The following KIAA0825 variants were observed in gnomAD, a reference collection of about 807,000 sequenced individuals.
KIAA0825 encodes KIAA0825.
A neutral mutation model predicts 147.6 loss-of-function variants in KIAA0825; 119 were observed. The observed-to-expected ratio is 0.81, with a 90% CI of 0.69 to 0.94. The LOEUF (loss-of-function observed/expected upper bound fraction) is 0.94, where lower values mean the gene tolerates loss of function less well. Ranked by LOEUF, KIAA0825 falls within the 40% of genes least tolerant of loss-of-function variation. KIAA0825 has a pLI of 0.00. For synonymous variants in KIAA0825, 470 were observed against 518.1 expected (o/e 0.91, Z 1.26); for missense variants, 1,381 against 1,472.7 (o/e 0.94, Z 1.02).
intron 20 of KIAA0825, among the ~76,000 whole-genome samples, chr5:94,182,461 T>C (rs1305850592): frequency 6.6e-6 from 1 of 151,320 alleles, no homozygotes; most frequent in East Asian, 2.0e-4. Context: ...GGTTTCACCA[T>C]GTTGGCCAGG....
At chr5:94,182,126 G>A (rs910040561) in intron 20 of KIAA0825, among the ~76,000 whole-genome samples, 1 of 151,682 alleles carries the variant, frequency 6.6e-6, no homozygotes, top group African/African-American at 2.4e-5. Context: ...CCCTTCAGTG[G>A]GACCTTCAGC....
chr5:94,429,418 T>C (rs896243189), intron 14 of KIAA0825, among the ~76,000 whole-genome samples: 1 of 152,130 alleles, frequency 6.6e-6, no homozygotes, highest in African/African-American at 2.4e-5. Context: ...CCCCTGTTTC[T>C]GGGGGGTGTG....
intron 14 of KIAA0825, 140 bp from the exon 15 acceptor site, chr5:94,417,505 A>C: frequency 1.6e-6 from 1 of 637,656 alleles, no homozygotes; most frequent in South Asian, 3.2e-5. Flanking sequence ...GAATTACCAG[A>C]TTATTTCAAA....
chr5:94,509,591 T>C (rs1448496286), intron 5 of KIAA0825, among the ~76,000 whole-genome samples: 1 of 152,218 alleles, frequency 6.6e-6, no homozygotes, highest in Non-Finnish European at 1.5e-5. Context: ...ATAGTGATAT[T>C]AAGACTAACT....
chr5:94,303,220 G>A (rs1161867727), intron 20 of KIAA0825, among the ~76,000 whole-genome samples: 8 of 151,922 alleles, frequency 5.3e-5, no homozygotes, highest in Non-Finnish European at 1.2e-4. Flanking sequence ...ATCTTTTCAA[G>A]TTATAATATG....
At chr5:94,420,885 A>G (rs1754097575) in intron 14 of KIAA0825, among the ~76,000 whole-genome samples, 1 of 152,160 alleles carries the variant, frequency 6.6e-6, no homozygotes, top group Admixed American at 6.6e-5. Flanking sequence ...CTAGAAATTG[A>G]TATTTCTGAA....
intron 1 of KIAA0825, among the ~76,000 whole-genome samples, chr5:94,600,842 T>C (rs909912444): frequency 2.6e-5 from 4 of 152,152 alleles, no homozygotes; most frequent in East Asian, 3.9e-4. Flanking sequence ...AATCTGTTTC[T>C]CCTCACTGGA....
At chr5:94,569,250 T>G (rs73132656) in intron 2 of KIAA0825, 19,020 of 250,888 alleles carry the variant, frequency 0.076, 803 homozygotes, top group South Asian at 0.11. Context: ...CAATAGCTAT[T>G]GCTGTAGTGT....
intron 14 of KIAA0825, among the ~76,000 whole-genome samples, chr5:94,426,039 T>TATC (rs1754828369): frequency 6.7e-6 from 1 of 149,980 alleles, no homozygotes; most frequent in Admixed American, 6.7e-5. Flanking sequence ...TTATCATTAT[T>TATC]ATTATTATTA....
At chr5:94,196,092 A>G (rs1021068235) in intron 20 of KIAA0825, among the ~76,000 whole-genome samples, 2 of 152,186 alleles carry the variant, frequency 1.3e-5, no homozygotes, top group South Asian at 2.1e-4. Flanking sequence ...TTGTGGGGAT[A>G]TACGGACCTC....
rs199725421 is a variant in KIAA0825, at chr5:94,529,330, CAT to C, written c.132-5234_132-5233del. Among the ~76,000 whole-genome samples the C allele has an allele frequency of 4.8e-3, 639 of 132,802 alleles. 2 individuals carry two copies. Among genetic ancestry groups the C allele is most frequent in the African/African-American group, 0.017 (557 of 32,438 alleles). 87.1% of individuals were successfully genotyped at this position (132,802 alleles called of 152,430 possible). On this transcript the variant is annotated intron_variant, in intron 3 of 20. Coordinates refer to ENST00000682413, the MANE Select transcript of KIAA0825 (RefSeq NM_001145678.3). ...GTATATATCATATATATGTATATAT[CAT>C]ATATATGTATATATCATATATGTAT... is the stretch of plus-strand genomic sequence containing the variant.
chr5:94,184,793 TA>T (rs1769979820), intron 20 of KIAA0825, among the ~76,000 whole-genome samples: 1 of 152,182 alleles, frequency 6.6e-6, no homozygotes, highest in Non-Finnish European at 1.5e-5. Flanking sequence ...CTTTGGTATC[TA>T]TTTAAATTTA....
intron 1 of KIAA0825, among the ~76,000 whole-genome samples, chr5:94,583,263 G>A (rs560279153): frequency 2.6e-5 from 4 of 152,298 alleles, no homozygotes; most frequent in Non-Finnish European, 4.4e-5. Context: ...AAGGGAAGCC[G>A]TGAGTGTCTG....
intron 20 of KIAA0825, among the ~76,000 whole-genome samples, chr5:94,300,890 A>G (rs1023814996): frequency 4.6e-5 from 7 of 152,196 alleles, no homozygotes; most frequent in Non-Finnish European, 8.8e-5. Context: ...GGAGACATCA[A>G]TGCTGTCTAC....
intron 12 of KIAA0825, among the ~76,000 whole-genome samples, chr5:94,459,333 C>CAT (rs1759526314): frequency 6.6e-6 from 1 of 152,054 alleles, no homozygotes; most frequent in African/African-American, 2.4e-5. Flanking sequence ...TTTGTGTGGA[C>CAT]ATAGTATTTT....
chr5:94,502,011 G>A (rs1340403773), intron 5 of KIAA0825, among the ~76,000 whole-genome samples: 1 of 152,074 alleles, frequency 6.6e-6, no homozygotes, highest in Admixed American at 6.5e-5. Flanking sequence ...AGTGATCTGT[G>A]ATATAAGTAA....
rs1398568027 is a variant in KIAA0825 at position 94,219,395 on chromosome 5, C to A, written c.3711-65271G>T. On this transcript the variant is annotated intron_variant, in intron 20 of 20. Transcript: ENST00000682413. ...CTCACCTCCTGCTGTGTGGCCTGGT[C>A]CCCAAGAGCCCATGGACCAGTACCA... 7.9e-5 allele frequency among the ~76,000 whole-genome samples: 12 copies of A among 152,112 alleles called. 1 individual carries two copies. The highest frequency in any genetic ancestry group is 7.9e-4 in the Admixed American group (12 of 15,262).
At chr5:94,530,271 C>CAAAAA (rs770501364) in intron 3 of KIAA0825, among the ~76,000 whole-genome samples, 29 of 54,172 alleles carry the variant, frequency 5.4e-4, no homozygotes, top group East Asian at 1.2e-3. Context: ...AACTCCGTCA[C>CAAAAA]AAAAAAAAAA....
Position 94,611,372 on chromosome 5 carries a change from T to C in KIAA0825, c.-153+7128A>G, listed in dbSNP as rs551690831. 2.0e-5 allele frequency among the ~76,000 whole-genome samples: 3 copies of C among 152,102 alleles called. No homozygotes were observed. The South Asian group carries it at 6.2e-4, about 32-fold the overall frequency. ...AGCTGTTTCCCAATAACAAATACAT[T>C]TTATATCCCCAATCCTGAAACCACC... On this transcript the variant is annotated intron_variant, in intron 1 of 20. Transcript: ENST00000682413.
Sources: allele counts gnomAD v4.1 joint callset (sites outside exome capture counted in the v4.1 genomes callset), GRCh38; gene constraint gnomAD v4.1.1; transcripts MANE v1.5; gene names NCBI Gene and HGNC (gene_info 2026-07-23, HGNC 2026-07-21).